Variants in SEMA3E observed in about 807,000 individuals in gnomAD.
SEMA3E encodes semaphorin-3E.
Under a neutral mutation model 93.6 loss-of-function variants are expected in SEMA3E, and 49 were observed. The ratio of observed to expected loss-of-function variants is 0.52; its 90% confidence interval spans 0.42 to 0.66. SEMA3E has a LOEUF of 0.66. Among genes scored for constraint, SEMA3E ranks in the 30% least tolerant of loss-of-function variants. The pLI is 0.00. For missense variants in SEMA3E, 906 were observed against 964.8 expected, an observed-to-expected ratio of 0.94 and a Z score of 0.81; for synonymous variants, 363 against 330.7, an observed-to-expected ratio of 1.10 and a Z score of -1.06.
intron 1 of SEMA3E, among the ~76,000 whole-genome samples, chr7:83,585,644 C>T (rs189227733): frequency 7.9e-5 from 12 of 152,308 alleles, no homozygotes; most frequent in Non-Finnish European, 1.5e-4. Flanking sequence ...TTTCTCTTCA[C>T]TGTATGTGCT....
intron 1 of SEMA3E, among the ~76,000 whole-genome samples, chr7:83,521,710 C>T (rs1432706391): frequency 6.6e-6 from 1 of 151,990 alleles, no homozygotes; most frequent in African/African-American, 2.4e-5. Context: ...GTGTTGTCCT[C>T]ATGGGGAACA....
chr7:83,444,925 C>T (rs1226786548), intron 4 of SEMA3E, among the ~76,000 whole-genome samples: 1 of 152,108 alleles, frequency 6.6e-6, no homozygotes, highest in East Asian at 1.9e-4. Context: ...CCCGTTTTGG[C>T]CTCCCAAAGT....
intron 1 of SEMA3E, among the ~76,000 whole-genome samples, chr7:83,532,373 A>G (rs4416777): frequency 0.13 from 19,801 of 152,148 alleles, 1,788 homozygotes; most frequent in African/African-American, 0.24. Flanking sequence ...TACAGTATGG[A>G]AGTGATGAGG....
At chr7:83,400,500 C>T (rs576898451) in intron 10 of SEMA3E, among the ~76,000 whole-genome samples, 1 of 152,018 alleles carries the variant, frequency 6.6e-6, no homozygotes, top group African/African-American at 2.4e-5. Flanking sequence ...GGCACTAAGC[C>T]TAGTTCCCAA....
intron 16 of SEMA3E, among the ~76,000 whole-genome samples, chr7:83,384,978 A>T (rs950464246): frequency 1.4e-4 from 22 of 151,890 alleles, no homozygotes; most frequent in African/African-American, 5.1e-4. Flanking sequence ...TATCATTTTG[A>T]CAACATGACC....
intron 1 of SEMA3E, among the ~76,000 whole-genome samples, chr7:83,604,176 G>A (rs1437984281): frequency 1.3e-5 from 2 of 151,978 alleles, no homozygotes; most frequent in Admixed American, 1.3e-4. Flanking sequence ...ATAGGTTGAA[G>A]GAGGACAGAG....
intron 1 of SEMA3E, among the ~76,000 whole-genome samples, chr7:83,632,259 A>G (rs930941923): frequency 2.0e-5 from 3 of 152,188 alleles, no homozygotes; most frequent in Admixed American, 6.5e-5. Context: ...TAAGAGGGGC[A>G]TTAGCAAACA....
chr7:83,498,375 A>G (rs1790533044), intron 1 of SEMA3E, among the ~76,000 whole-genome samples: 1 of 152,242 alleles, frequency 6.6e-6, no homozygotes, highest in Admixed American at 6.5e-5. Context: ...CTAAAGATCA[A>G]TATAATTCTA....
chr7:83,628,239 C>G (rs1368852644), intron 1 of SEMA3E, among the ~76,000 whole-genome samples: 1 of 151,970 alleles, frequency 6.6e-6, no homozygotes, highest in Non-Finnish European at 1.5e-5. Flanking sequence ...TCTCTGGCTG[C>G]CCTTAACATT....
At chr7:83,633,176 C>CT (rs1290449331) in intron 1 of SEMA3E, among the ~76,000 whole-genome samples, 1 of 152,092 alleles carries the variant, frequency 6.6e-6, no homozygotes, top group Admixed American at 6.6e-5. Context: ...TTCCTCCTCT[C>CT]TACTTCTCCT....
At chr7:83,369,065 A>G (rs937395023) in intron 16 of SEMA3E, among the ~76,000 whole-genome samples, 8 of 152,302 alleles carry the variant, frequency 5.3e-5, no homozygotes, top group Admixed American at 3.9e-4. Context: ...TTTCTACTAT[A>G]CATTCATCTA....
chr7:83,479,885 T>C (rs190683488), intron 2 of SEMA3E, among the ~76,000 whole-genome samples: 4 of 152,134 alleles, frequency 2.6e-5, no homozygotes, highest in Non-Finnish European at 5.9e-5. Flanking sequence ...AATTAACATG[T>C]TGGCTTCAAT....
chr7:83,443,723 CA>C (rs1284208467), intron 4 of SEMA3E, among the ~76,000 whole-genome samples: 4 of 150,898 alleles, frequency 2.7e-5, no homozygotes, highest in Non-Finnish European at 5.9e-5. Context: ...TTTAAAAATT[CA>C]AAAAAAATTT....
Position 83,589,180 on chromosome 7 carries a change from G to T in SEMA3E, c.115+59248C>A, listed in dbSNP as rs572204283. ...GACTCCATCTTTATTATAATGGCTA[G>T]GCCAGAAGGTAATCAGATTGGCAGG... On this transcript the variant is annotated intron_variant, in intron 1 of 16. Transcript: ENST00000643230. 3.4e-4 allele frequency among the ~76,000 whole-genome samples: 52 copies of T among 152,194 alleles called. 1 individual carries two copies. In the East Asian group the frequency reaches 9.7e-3, roughly 28 times the overall value.
rs1425897253 is a variant in SEMA3E, at chr7:83,366,086, G to T, written c.*1500C>A. 6.6e-6 allele frequency: 1 copy of T among 151,996 alleles called. No individual in the cohort carries two copies. The highest frequency in any genetic ancestry group is 1.5e-5 in the Non-Finnish European group (1 of 67,930). The allele number at this position is 151,996 out of a possible 1,614,324, so 9.4% of individuals were successfully genotyped here. On this transcript the variant is annotated 3_prime_UTR_variant, in exon 17 of 17. Coordinates refer to ENST00000643230, the MANE Select transcript of SEMA3E (RefSeq NM_012431.3). Reference sequence around the variant, plus strand: ...TTTTTCTTAAAATATTTATGTATTTGTTCATTTTACAATGAAATTGCAAGT... The same window carrying T: ...TTTTTCTTAAAATATTTATGTATTTTTTCATTTTACAATGAAATTGCAAGT...
rs78791849 is a variant in SEMA3E at position 83,429,562 on chromosome 7, C to T, written c.457-11079G>A. On this transcript the variant is annotated intron_variant, in intron 4 of 16. Coordinates refer to ENST00000643230, the MANE Select transcript of SEMA3E (RefSeq NM_012431.3). Reference sequence around the variant, plus strand: ...TCATTTGCTGCCTATGTCATCCTCACCAACTTTTCAAATATGATCATGCCA... The same window carrying T: ...TCATTTGCTGCCTATGTCATCCTCATCAACTTTTCAAATATGATCATGCCA... Among the ~76,000 whole-genome samples, 129 of 152,278 alleles carry T rather than the reference C, an allele frequency of 8.5e-4. 2 individuals carry two copies. The East Asian group carries it at 0.015, about 17-fold the overall frequency.
intron 9 of SEMA3E, among the ~76,000 whole-genome samples, chr7:83,405,055 A>G (rs1199551437): frequency 6.6e-6 from 1 of 152,042 alleles, no homozygotes; most frequent in African/African-American, 2.4e-5. Context: ...AGAACCTTGA[A>G]AGCCTGGCTT....
intron 1 of SEMA3E, among the ~76,000 whole-genome samples, chr7:83,537,389 T>C (rs577487404): frequency 1.3e-5 from 2 of 152,306 alleles, no homozygotes; most frequent in South Asian, 2.1e-4. Context: ...TGGTCTTAAC[T>C]TGGGAAATCC....
intron 1 of SEMA3E, among the ~76,000 whole-genome samples, chr7:83,619,401 G>A (rs565062580): frequency 6.6e-6 from 1 of 151,860 alleles, no homozygotes; most frequent in African/African-American, 2.4e-5. Flanking sequence ...AAAAAACATC[G>A]TGTTGCTTAT....
Sources: gnomAD v4.1 joint callset for allele counts (sites outside exome capture counted in the v4.1 genomes callset) on GRCh38, gnomAD v4.1.1 for gene constraint, MANE v1.5 for transcripts, NCBI Gene and HGNC (gene_info 2026-07-23, HGNC 2026-07-21) for gene names.